The following DHRS12 variants were observed in gnomAD, a reference collection of about 807,000 sequenced individuals.
DHRS12 encodes the protein dehydrogenase/reductase 12.
Under a neutral mutation model 32.1 loss-of-function variants are expected in DHRS12, and 29 were observed. The ratio of observed to expected loss-of-function variants is 0.90; its 90% CI spans 0.67 to 1.23. DHRS12 has a LOEUF of 1.23. Among genes scored for constraint, DHRS12 ranks in the 50% most tolerant of loss-of-function variants. The pLI is 0.00. For synonymous variants in DHRS12, 150 were observed against 135.9 expected (o/e 1.10, Z -0.72); for missense variants, 330 against 337.2 (o/e 0.98, Z 0.17).
chr13:51,764,961 G>A (rs1290981446), downstream of DHRS12: 1 of 152,270 alleles, frequency 6.6e-6, no homozygotes, highest in Admixed American at 6.5e-5. Context: ...GCGGTGCCGA[G>A]TGTTTGGGTG....
intron 5 of DHRS12, among the ~76,000 whole-genome samples, chr13:51,776,788 C>T (rs1954435690): frequency 6.6e-6 from 1 of 152,168 alleles, no homozygotes; most frequent in South Asian, 2.1e-4. Context: ...CGCCCCTGCC[C>T]TTCGGAGGCC....
intron 2 of DHRS12, among the ~76,000 whole-genome samples, chr13:51,799,253 G>A (rs1955644776): frequency 6.6e-6 from 1 of 152,176 alleles, no homozygotes; most frequent in African/African-American, 2.4e-5. Flanking sequence ...CTGATGTCCA[G>A]GGTTTGCTTG....
At chr13:51,800,612 C>T (rs1955708699) in intron 1 of DHRS12, among the ~76,000 whole-genome samples, 1 of 152,228 alleles carries the variant, frequency 6.6e-6, no homozygotes. Flanking sequence ...ATGCTGAGAG[C>T]CCTCCCACAG....
chr13:51,775,937 T>TACAGTATTCTCCTACATGTATTCTC (rs1954337771), intron 5 of DHRS12: 3 of 135,990 alleles, frequency 2.2e-5, no homozygotes, highest in South Asian at 2.3e-4. Flanking sequence ...CTACATGTAC[T>TACAGTATTCTCCTACATGTATTCTC]CTACAGTATT....
At chr13:51,766,135 G>A (rs1009715925), downstream of DHRS12, 4 of 152,182 alleles carry the variant, frequency 2.6e-5, no homozygotes, top group African/African-American at 9.7e-5. Context: ...AAACCCTAGC[G>A]TCACTTGTAA....
chr13:51,768,144 A>G lies in DHRS12; in HGVS notation c.*43T>C, dbSNP rs1953834805. On this transcript the variant is annotated 3_prime_UTR_variant, in exon 9 of 9. Transcript: ENST00000444610. Reference sequence around the variant, plus strand: ...TGGTCCCTAGACCGCACCTTCTGGTATCTTCTAAGGCAATTCTGGTACCGC... The same window carrying G: ...TGGTCCCTAGACCGCACCTTCTGGTGTCTTCTAAGGCAATTCTGGTACCGC... The G allele has an allele frequency of 6.5e-7, 1 of 1,535,702 alleles. No homozygotes were observed. The highest frequency in any genetic ancestry group is 8.7e-7 in the Non-Finnish European group (1 of 1,146,638).
At chr13:51,783,691 TCTGACCTCTTCTTAGCCC>T (rs1381044381) in intron 4 of DHRS12, among the ~76,000 whole-genome samples, 2 of 152,132 alleles carry the variant, frequency 1.3e-5, no homozygotes, top group Non-Finnish European at 2.9e-5. Context: ...CCCTGCAGCC[TCTGACCTCTTCTTAGCCC>T]CCTAGGTTGC....
intron 1 of DHRS12, among the ~76,000 whole-genome samples, chr13:51,800,006 G>A (rs1955680703): frequency 6.6e-6 from 1 of 152,220 alleles, no homozygotes; most frequent in East Asian, 1.9e-4. Flanking sequence ...TTTGTGGGGG[G>A]CAGGTTTCAG....
the DHRS12 span, chr13:51,762,826 A>G: frequency 6.6e-6 from 1 of 152,366 alleles, no homozygotes; most frequent in African/African-American, 2.4e-5. Flanking sequence ...AGATCTACAC[A>G]TATCATACGC....
intron 7 of DHRS12, among the ~76,000 whole-genome samples, chr13:51,770,437 G>C (rs1953957923): frequency 6.6e-6 from 1 of 152,192 alleles, no homozygotes; most frequent in Non-Finnish European, 1.5e-5. Context: ...GCTGATGCTG[G>C]GATTGTCAGA....
downstream of DHRS12, chr13:51,767,173 C>G (rs1953776565): frequency 6.6e-6 from 1 of 152,288 alleles, no homozygotes; most frequent in South Asian, 2.1e-4. Context: ...CACCAAGTGA[C>G]CTGCATGCTA....
intron 6 of DHRS12, among the ~76,000 whole-genome samples, chr13:51,773,651 T>C (rs1954154576): frequency 6.6e-6 from 1 of 152,002 alleles, no homozygotes; most frequent in South Asian, 2.1e-4. Flanking sequence ...CACAGGGCAA[T>C]GGATCCCCCT....
rs577165908 is a variant in DHRS12, at chr13:51,801,578, C to CT, written c.-8-1912dup. Among the ~76,000 whole-genome samples, 14 of 152,266 alleles carry CT rather than the reference C, an allele frequency of 9.2e-5. No homozygotes were observed. In the East Asian group the frequency reaches 2.5e-3, roughly 27 times the overall value. On this transcript the variant is annotated intron_variant, in intron 1 of 8. Transcript: ENST00000444610. ...CCCCAAGCCTTCAAATCAGTAGGGA[C>CT]TTTGAGAGCATTTTAAACTACAAAG...
intron 7 of DHRS12, chr13:51,770,751 C>A: frequency 1.0e-6 from 1 of 1,000,420 alleles, no homozygotes; most frequent in Non-Finnish European, 1.2e-6. Flanking sequence ...GTGGTAGTTA[C>A]AAAAATAAGA....
the DHRS12 span, among the ~76,000 whole-genome samples, chr13:51,757,435 C>CTAT: frequency 6.7e-6 from 1 of 150,280 alleles, no homozygotes; most frequent in African/African-American, 2.5e-5. Flanking sequence ...ATCTATCCTG[C>CTAT]AGATTTAGCT....
At chr13:51,779,192 G>C (rs1954586627) in intron 4 of DHRS12, among the ~76,000 whole-genome samples, 2 of 152,128 alleles carry the variant, frequency 1.3e-5, no homozygotes, top group African/African-American at 4.8e-5. Context: ...GATCCAAACA[G>C]GCCTGTCATT....
At chr13:51,801,246 G>T (rs1056870138) in intron 1 of DHRS12, among the ~76,000 whole-genome samples, 2 of 152,160 alleles carry the variant, frequency 1.3e-5, no homozygotes, top group African/African-American at 4.8e-5. Flanking sequence ...GAGTGCAGTG[G>T]CGCGATCTCG....
At chr13:51,759,152 G>C in the DHRS12 span, among the ~76,000 whole-genome samples, 3 of 152,198 alleles carry the variant, frequency 2.0e-5, no homozygotes, top group African/African-American at 4.8e-5. Context: ...CTGTACTCCA[G>C]CCTGGGTGAC....
intron 1 of DHRS12, 176 bp downstream of exon 1, chr13:51,803,877 GC>G: frequency 2.1e-6 from 1 of 482,602 alleles, no homozygotes; most frequent in Non-Finnish European, 3.2e-6. Flanking sequence ...TCTGGCGACT[GC>G]CCCACGCCCA....
Sources: gnomAD v4.1 joint callset for allele counts (sites outside exome capture counted in the v4.1 genomes callset) on GRCh38, gnomAD v4.1.1 for gene constraint, MANE v1.5 for transcripts, NCBI Gene and HGNC (gene_info 2026-07-23, HGNC 2026-07-21) for gene names.